The following ZNF236 variants were observed in gnomAD, a reference collection of about 807,000 sequenced individuals.
The protein encoded by ZNF236 is regulated by glucose.
In ZNF236, 50 loss-of-function variants were observed where a neutral mutation model predicts 191.2. The observed-to-expected ratio is 0.26, with a 90% CI of 0.21 to 0.33. The LOEUF (loss-of-function observed/expected upper bound fraction) is 0.33, where lower values mean the gene tolerates loss of function less well. ZNF236 is among the 10% of genes least tolerant of loss of function. ZNF236 has a pLI of 1.00. For missense variants in ZNF236, 1,754 were observed against 2,374.5 expected (o/e 0.74, Z 5.43); for synonymous variants, 907 against 928.8 (o/e 0.98, Z 0.43).
rs936952617 is a variant in ZNF236 at position 76,936,149 on chromosome 18, C to T, written c.4595-1007C>T. The T allele has an allele frequency of 4.6e-5, 20 of 430,880 alleles. 1 individual carries two copies. Among genetic ancestry groups the T allele is most frequent in the Non-Finnish European group, 7.0e-5 (15 of 213,824 alleles). The allele number at this position is 430,880 out of a possible 1,614,324, so 26.7% of individuals were successfully genotyped here. On this transcript the variant is annotated intron_variant, in intron 25 of 30. Coordinates refer to ENST00000320610, the MANE Select transcript of ZNF236 (RefSeq NM_001306089.2). ...CAAGTCACAGCAAAGTGCTGACAGG[C>T]GCGTGTTTCTTTTGTTTTGAAACCT...
At position 76,972,576 on chromosome 18, in the gene ZNF236, C is replaced by T. The variant is rs1414745899; in HGVS notation, c.*4237C>T. Among the ~76,000 whole-genome samples the T allele has an allele frequency of 1.3e-5, 2 of 152,172 alleles. No individual in the cohort carries two copies. The highest frequency in any genetic ancestry group is 2.9e-5 in the Non-Finnish European group (2 of 68,032). On this transcript the variant is annotated 3_prime_UTR_variant, in exon 31 of 31. Coordinates refer to ENST00000320610, the MANE Select transcript of ZNF236 (RefSeq NM_001306089.2). Reference sequence around the variant, plus strand: ...TAGTATGAATGGCAGGAGCAACAGGCAGTCAGAAGAGATTTTTCTATTTAA... The same window carrying T: ...TAGTATGAATGGCAGGAGCAACAGGTAGTCAGAAGAGATTTTTCTATTTAA...
rs372930595 is a variant in ZNF236 at position 76,847,478 on chromosome 18, T to G, written c.56-2048T>G. 8.5e-5 allele frequency among the ~76,000 whole-genome samples: 13 copies of G among 152,122 alleles called. No homozygotes were observed. In the East Asian group the frequency reaches 2.1e-3, roughly 25 times the overall value. On this transcript the variant is annotated intron_variant, in intron 1 of 30. Transcript: ENST00000320610. ...TTTATTTATTTTTATTTATTTATTT[T>G]TTTTTTAGGCAGAGTCTCACTCTTT... is the stretch of plus-strand genomic sequence containing the variant.
At chr18:76,934,003 T>C (rs7233767) in intron 25 of ZNF236, among the ~76,000 whole-genome samples, 29,384 of 152,222 alleles carry the variant, frequency 0.19, 3,412 homozygotes, top group Middle Eastern at 0.28. Context: ...ATGACTCTTC[T>C]AAGGTAAACA....
intron 26 of ZNF236, among the ~76,000 whole-genome samples, chr18:76,938,353 G>T (rs928609695): frequency 2.6e-5 from 4 of 152,170 alleles, no homozygotes; most frequent in Non-Finnish European, 5.9e-5. Flanking sequence ...TTGCACCACT[G>T]CACTCCAGCC....
intron 25 of ZNF236, among the ~76,000 whole-genome samples, chr18:76,934,189 T>G (rs1410570296): frequency 6.6e-6 from 1 of 152,242 alleles, no homozygotes; most frequent in Non-Finnish European, 1.5e-5. Context: ...GTATCACCAC[T>G]TAGGGATTTG....
intron 9 of ZNF236, among the ~76,000 whole-genome samples, chr18:76,887,748 A>T (rs1386359777): frequency 6.6e-6 from 1 of 152,190 alleles, no homozygotes; most frequent in Non-Finnish European, 1.5e-5. Context: ...TTATAAAACC[A>T]TTAGGCCCCG....
intron 30 of ZNF236, among the ~76,000 whole-genome samples, chr18:76,964,290 T>A (rs996486976): frequency 6.6e-6 from 1 of 152,240 alleles, no homozygotes; most frequent in South Asian, 2.1e-4. Context: ...AATAATTTTT[T>A]AATTTCTATC....
At chr18:76,899,754 T>C (rs567261599) in intron 11 of ZNF236, among the ~76,000 whole-genome samples, 79 of 152,348 alleles carry the variant, frequency 5.2e-4, no homozygotes, top group African/African-American at 1.6e-3. Context: ...TTAGAATCTT[T>C]AGAAAAATTA....
chr18:76,888,471 G>A (rs1452072109), intron 9 of ZNF236: 1 of 152,430 alleles, frequency 6.6e-6, no homozygotes, highest in East Asian at 1.9e-4. Flanking sequence ...CTGTGGCTGA[G>A]GAGTCTGCAT....
At chr18:76,937,740 A>C (rs1408220626) in intron 26 of ZNF236, among the ~76,000 whole-genome samples, 1 of 152,186 alleles carries the variant, frequency 6.6e-6, no homozygotes, top group East Asian at 1.9e-4. Context: ...TCATGGTTTC[A>C]ATAAGTAGTA....
Position 76,960,305 on chromosome 18 carries a change from C to T in ZNF236, c.5243-374C>T, listed in dbSNP as rs1002498598. ...AGAAACAAGCTCTTCCATCTTCTGC[C>T]TCTTGACTGTACATGATAGCTCGTG... On this transcript the variant is annotated intron_variant, in intron 29 of 30. Coordinates refer to ENST00000320610, the MANE Select transcript of ZNF236 (RefSeq NM_001306089.2). The surrounding 1 kb of genome is among the most constrained non-coding windows in gnomAD (Gnocchi z 4.4). 2.0e-5 allele frequency among the ~76,000 whole-genome samples: 3 copies of T among 152,242 alleles called. No individual in the cohort carries two copies. The highest frequency in any genetic ancestry group is 7.2e-5 in the African/African-American group (3 of 41,464).
chr18:76,853,275 C>T (rs940141798), intron 3 of ZNF236, among the ~76,000 whole-genome samples: 1 of 151,944 alleles, frequency 6.6e-6, no homozygotes, highest in African/African-American at 2.4e-5. Context: ...GATAGGGTTT[C>T]ACCATGTTGG....
In ZNF236 at chr18:76,908,397, T is replaced by C. The variant is rs1480161737; in HGVS notation, c.2375T>C (p.Met792Thr). 1.4e-5 allele frequency: 23 copies of C among 1,614,204 alleles called. No homozygotes were observed. Among genetic ancestry groups the C allele is most frequent in the Non-Finnish European group, 1.9e-5 (22 of 1,180,036 alleles). ...IDDSTVDQQS[M>T]QASTQMQVEI... Reference sequence around the variant, plus strand: ...GACAGCACTGTAGACCAGCAGAGCATGCAGGCCTCCACTCAAATGCAGGTG... The same window carrying C: ...GACAGCACTGTAGACCAGCAGAGCACGCAGGCCTCCACTCAAATGCAGGTG... Residue 792 changes from methionine to threonine, a missense_variant, in exon 14 of 31, where the codon ATG becomes ACG. Met to Thr is a moderately conservative substitution (Grantham distance 81). Coordinates refer to ENST00000320610, the MANE Select transcript of ZNF236 (RefSeq NM_001306089.2).
Position 76,870,580 on chromosome 18 carries a change from A to G in ZNF236, c.543-1121A>G, listed in dbSNP as rs144697346. Among the ~76,000 whole-genome samples, 42 of 152,280 alleles carry G rather than the reference A, an allele frequency of 2.8e-4. No homozygotes were observed. In the East Asian group the frequency reaches 7.5e-3, roughly 27 times the overall value. On this transcript the variant is annotated intron_variant, in intron 4 of 30. Coordinates refer to ENST00000320610, the MANE Select transcript of ZNF236 (RefSeq NM_001306089.2). Reference sequence around the variant, plus strand: ...CCAAGTGAGTGGGTTAGTCGGTACCACAGTTTCAGATAGTGGTGAGTGTCA... The same window carrying G: ...CCAAGTGAGTGGGTTAGTCGGTACCGCAGTTTCAGATAGTGGTGAGTGTCA...
At chr18:76,829,444 C>T (rs1439475490) in intron 1 of ZNF236, among the ~76,000 whole-genome samples, 1 of 151,862 alleles carries the variant, frequency 6.6e-6, no homozygotes, top group South Asian at 2.1e-4. Flanking sequence ...CCTCTCACTT[C>T]GGCCTCCTGA....
chr18:76,873,321 C>T (rs1378717711), intron 5 of ZNF236, among the ~76,000 whole-genome samples: 1 of 152,224 alleles, frequency 6.6e-6, no homozygotes, highest in Non-Finnish European at 1.5e-5. Flanking sequence ...TGAGCATACT[C>T]TCACTCCTAG....
intron 10 of ZNF236, 100 bp from the exon 11 acceptor site, chr18:76,898,919 G>A (rs609684): frequency 0.36 from 363,997 of 1,024,748 alleles, 65,837 homozygotes; most frequent in East Asian, 0.53. Context: ...TAAATTGAAG[G>A]TTCAAATCAG....
intron 1 of ZNF236, 88 bp from the exon 2 acceptor site, chr18:76,849,438 T>C (rs1188424700): frequency 8.4e-7 from 1 of 1,189,758 alleles, no homozygotes. Context: ...CATAATTTGG[T>C]TTTTAAACAA....
intron 29 of ZNF236, 126 bp downstream of exon 29, chr18:76,959,942 C>T: frequency 8.6e-7 from 1 of 1,167,976 alleles, no homozygotes; most frequent in Non-Finnish European, 1.2e-6. Context: ...GCAAGGTCCA[C>T]ATGTTCCATT....
Sources: allele counts gnomAD v4.1 joint callset (sites outside exome capture counted in the v4.1 genomes callset), GRCh38; gene constraint gnomAD v4.1.1; non-coding constraint Gnocchi (gnomAD v3.1); transcripts MANE v1.5; gene names NCBI Gene and HGNC (gene_info 2026-07-23, HGNC 2026-07-21).